SGCZ: variants seen among roughly 807,000 people sequenced by gnomAD.
SGCZ encodes zeta-sarcoglycan.
Under a neutral mutation model 41.3 loss-of-function variants are expected in SGCZ, and 40 were observed. The ratio of observed to expected loss-of-function variants is 0.97; its 90% CI spans 0.75 to 1.26. SGCZ has a LOEUF of 1.26. SGCZ is among the 50% of genes most tolerant of loss of function. The pLI, the probability that SGCZ is intolerant of heterozygous loss-of-function variation, is 0.00. For synonymous variants in SGCZ, 206 were observed against 137.5 expected (o/e 1.50, Z -3.49); for missense variants, 552 against 369.8 (o/e 1.49, Z -4.04).
At chr8:14,621,485 AAAAAT>A (rs952538249) in intron 1 of SGCZ, among the ~76,000 whole-genome samples, 13 of 152,010 alleles carry the variant, frequency 8.6e-5, no homozygotes, top group Non-Finnish European at 1.5e-4. Context: ...CAAAAAAAAT[AAAAAT>A]AAAATAAAAT....
chr8:14,399,254 T>C (rs991416758), intron 2 of SGCZ, among the ~76,000 whole-genome samples: 7 of 152,260 alleles, frequency 4.6e-5, no homozygotes, highest in East Asian at 3.9e-4. Flanking sequence ...ATAATACTTA[T>C]TGTTTGTCAC....
chr8:14,307,458 C>T (rs941716626), intron 3 of SGCZ, among the ~76,000 whole-genome samples: 5 of 152,134 alleles, frequency 3.3e-5, no homozygotes, highest in Admixed American at 1.3e-4. Context: ...AACTACAGTA[C>T]ATTCCAGTTT....
At chr8:14,634,226 T>C (rs1400229084) in intron 1 of SGCZ, among the ~76,000 whole-genome samples, 1 of 151,900 alleles carries the variant, frequency 6.6e-6, no homozygotes, top group East Asian at 1.9e-4. Context: ...TGAGTAATAA[T>C]TAATAGATTT....
chr8:14,887,057 T>C (rs540600463), intron 1 of SGCZ, among the ~76,000 whole-genome samples: 37 of 152,188 alleles, frequency 2.4e-4, no homozygotes, highest in African/African-American at 6.3e-4. Context: ...TGGGGCAGAT[T>C]GCAAGAGGAA....
At chr8:14,391,762 A>T (rs1585443076) in intron 2 of SGCZ, among the ~76,000 whole-genome samples, 1 of 152,308 alleles carries the variant, frequency 6.6e-6, no homozygotes. Context: ...TTTATAAAGA[A>T]AAGCAATTTA....
rs142113046 is a variant in SGCZ, at chr8:14,184,463, T to C, written c.425-19761A>G. ...TTAAACATCCACTATATTTCAGGCA[T>C]TATTAGGCTAAATGATAAATGTATT... On this transcript the variant is annotated intron_variant, in intron 4 of 7. Transcript: ENST00000382080. Among the ~76,000 whole-genome samples, 687 of 152,282 alleles carry C rather than the reference T, an allele frequency of 4.5e-3. 6 individuals carry two copies. The highest frequency in any genetic ancestry group is 0.016 in the African/African-American group (658 of 41,568).
At position 14,857,547 on chromosome 8, in the gene SGCZ, T is replaced by A. The variant is rs1278548701; in HGVS notation, c.40-302621A>T. Among the ~76,000 whole-genome samples the A allele has an allele frequency of 2.0e-5, 3 of 152,096 alleles. No individual in the cohort carries two copies. The East Asian group carries it at 5.8e-4, about 29-fold the overall frequency. On this transcript the variant is annotated intron_variant, in intron 1 of 7. Coordinates refer to ENST00000382080, the MANE Select transcript of SGCZ (RefSeq NM_139167.4). The stretch of plus-strand genomic sequence containing the variant: ...GCGTTAAGCTTTAAGAACCTCAGAA[T>A]CACCTAAAATGTGTTTTAAAAAGGT...
At chr8:14,510,275 T>C (rs1226078298) in intron 2 of SGCZ, among the ~76,000 whole-genome samples, 1 of 152,110 alleles carries the variant, frequency 6.6e-6, no homozygotes, top group Non-Finnish European at 1.5e-5. Flanking sequence ...GAAAGTAAAC[T>C]GAAAATGAGA....
At chr8:14,139,457 A>G (rs1290430368) in intron 5 of SGCZ, among the ~76,000 whole-genome samples, 1 of 152,178 alleles carries the variant, frequency 6.6e-6, no homozygotes, top group African/African-American at 2.4e-5. Flanking sequence ...AAGACTAATA[A>G]AGAAGAAAAG....
At chr8:14,206,316 G>T (rs1394868788) in intron 4 of SGCZ, among the ~76,000 whole-genome samples, 1 of 152,118 alleles carries the variant, frequency 6.6e-6, no homozygotes, top group Admixed American at 6.6e-5. Context: ...CGTTTTAAGT[G>T]AAGGCTATGT....
At chr8:15,060,690 C>A (rs1804894019) in intron 1 of SGCZ, among the ~76,000 whole-genome samples, 1 of 149,918 alleles carries the variant, frequency 6.7e-6, no homozygotes, top group Admixed American at 6.6e-5. Context: ...AAAAAAAAGT[C>A]TCCCTTTGGG....
intron 1 of SGCZ, among the ~76,000 whole-genome samples, chr8:14,603,357 C>G (rs1805652777): frequency 6.6e-6 from 1 of 152,002 alleles, no homozygotes; most frequent in African/African-American, 2.4e-5. Context: ...GCATGTCTCA[C>G]AGCAAATGAT....
intron 2 of SGCZ, among the ~76,000 whole-genome samples, chr8:14,365,889 G>C (rs76264531): frequency 0.015 from 2,256 of 152,056 alleles, 69 homozygotes; most frequent in African/African-American, 0.05. Flanking sequence ...TGATACTGCT[G>C]TTCTGTATTT....
intron 1 of SGCZ, among the ~76,000 whole-genome samples, chr8:15,007,491 T>C (rs1312086483): frequency 6.6e-6 from 1 of 152,242 alleles, no homozygotes; most frequent in Non-Finnish European, 1.5e-5. Flanking sequence ...CCACGGTCTA[T>C]GAGCCACAAA....
chr8:14,276,271 C>A (rs997710759), intron 3 of SGCZ, among the ~76,000 whole-genome samples: 8 of 152,170 alleles, frequency 5.3e-5, no homozygotes, highest in Non-Finnish European at 1.0e-4. Flanking sequence ...TGAGCCTCAA[C>A]TGAAACTGAT....
chr8:14,392,880 T>C (rs184168853), intron 2 of SGCZ, among the ~76,000 whole-genome samples: 1 of 152,286 alleles, frequency 6.6e-6, no homozygotes, highest in Non-Finnish European at 1.5e-5. Flanking sequence ...TATGTTCTAA[T>C]AAAATATTAA....
At chr8:15,082,422 ATG>A (rs576117329) in intron 1 of SGCZ, among the ~76,000 whole-genome samples, 205 of 129,360 alleles carry the variant, frequency 1.6e-3, no homozygotes, top group Middle Eastern at 0.012. Flanking sequence ...ACACATATAT[ATG>A]TGTGTGTGTA....
At chr8:14,801,914 A>T (rs1801333422) in intron 1 of SGCZ, among the ~76,000 whole-genome samples, 1 of 152,230 alleles carries the variant, frequency 6.6e-6, no homozygotes, top group South Asian at 2.1e-4. Context: ...CTGGAAATCA[A>T]ATCCCAATCA....
chr8:14,960,737 G>A (rs1291406511), intron 1 of SGCZ, among the ~76,000 whole-genome samples: 1 of 151,968 alleles, frequency 6.6e-6, no homozygotes, highest in Non-Finnish European at 1.5e-5. Flanking sequence ...AATAGCCAAA[G>A]AAGCTTATTT....
Sources: allele counts gnomAD v4.1 joint callset (sites outside exome capture counted in the v4.1 genomes callset), GRCh38; gene constraint gnomAD v4.1.1; transcripts MANE v1.5; gene names NCBI Gene and HGNC (gene_info 2026-07-23, HGNC 2026-07-21).